SNX30: variants seen among roughly 807,000 people sequenced by gnomAD.
The protein encoded by SNX30 is sorting nexin family member 30.
Under a neutral mutation model 46.4 loss-of-function variants are expected in SNX30, and 24 were observed. That is an observed-to-expected ratio of 0.52 (90% CI 0.37 to 0.73). The LOEUF is 0.73. SNX30 is among the 30% of genes least tolerant of loss of function. The pLI, the probability that SNX30 is intolerant of heterozygous loss-of-function variation, is 0.00. For missense variants in SNX30, 533 were observed against 555.7 expected (o/e 0.96, Z 0.41); for synonymous variants, 189 against 211.5 (o/e 0.89, Z 0.92).
intron 1 of SNX30, among the ~76,000 whole-genome samples, chr9:112,764,769 A>T (rs1839506626): frequency 6.6e-6 from 1 of 152,166 alleles, no homozygotes; most frequent in African/African-American, 2.4e-5. Context: ...CAAATAATAG[A>T]TATCTAGCTT....
At chr9:112,818,231 G>T (rs373076667) in intron 3 of SNX30, among the ~76,000 whole-genome samples, 1 of 133,588 alleles carries the variant, frequency 7.5e-6, no homozygotes, top group East Asian at 2.2e-4. Context: ...AGACAGAGTC[G>T]CACTCTCTTG....
At position 112,830,756 on chromosome 9, in the gene SNX30, T is replaced by C; in HGVS notation, c.491T>C (p.Val164Ala). 3.1e-6 allele frequency: 5 copies of C among 1,613,050 alleles called. No individual in the cohort carries two copies. The highest frequency in any genetic ancestry group is 4.2e-6 in the Non-Finnish European group (5 of 1,179,762). ...CCCGAGAAGTTTGTGGTAAAAGGTG[T>C]TGTGGATCGTTTTTCAGAAGAGTTT... ...PLPEKFVVKG[V>A]VDRFSEEFVE... is the part of the protein sequence containing the mutation. The change falls in exon 4 of 9, where the codon GTT (valine) becomes GCT (alanine). Residue 164 changes from valine to alanine, a missense_variant. By Grantham distance (64) the Val-to-Ala change is moderately conservative. Around this residue, in one of 3 missense-constraint regions of SNX30, gnomAD observed 81 missense variants for 124.4 expected, o/e 0.65. Transcript: ENST00000374232.
chr9:112,754,973 C>T (rs942974014), intron 1 of SNX30, among the ~76,000 whole-genome samples: 1 of 152,212 alleles, frequency 6.6e-6, no homozygotes, highest in Non-Finnish European at 1.5e-5. Context: ...ATAGAGAAGG[C>T]TTTTCCTCCA....
chr9:112,847,546 T>C (rs1032083288), intron 6 of SNX30, among the ~76,000 whole-genome samples: 20 of 152,220 alleles, frequency 1.3e-4, no homozygotes, highest in Non-Finnish European at 5.9e-5. Flanking sequence ...TCTGTTTCTT[T>C]TTCCAAATTG....
In SNX30 at chr9:112,850,889, G is replaced by C; in HGVS notation, c.1045G>C (p.Ala349Pro). 6.2e-7 allele frequency: 1 copy of C among 1,613,970 alleles called. No individual in the cohort carries two copies. Among genetic ancestry groups the C allele is most frequent in the Non-Finnish European group, 8.5e-7 (1 of 1,179,988 alleles). ...ATTGAAGAAGAGGGACCAAGTTCAA[G>C]CAGAGTATGAAGCCAAACTGGAAGC... ...SVLKKRDQVQ[A>P]EYEAKLEAVA... Residue 349 changes from alanine to proline, a missense_variant, in exon 7 of 9, where the codon GCA (alanine) becomes CCA (proline). Transcript: ENST00000374232.
chr9:112,878,387 G>T (rs575754151), downstream of SNX30: 1 of 152,266 alleles, frequency 6.6e-6, no homozygotes, highest in African/African-American at 2.4e-5. Context: ...CTTCTGCCTG[G>T]AATGTCCCCC....
At chr9:112,825,126 T>A (rs1840562334) in intron 3 of SNX30, among the ~76,000 whole-genome samples, 1 of 152,250 alleles carries the variant, frequency 6.6e-6, no homozygotes, top group Non-Finnish European at 1.5e-5. Flanking sequence ...TGCTGGAGCA[T>A]ATAGTAATTC....
intron 8 of SNX30, among the ~76,000 whole-genome samples, chr9:112,866,832 C>T (rs1215907705): frequency 1.9e-5 from 1 of 53,622 alleles, no homozygotes; most frequent in Non-Finnish European, 4.3e-5. Flanking sequence ...GAATTCCTCC[C>T]ACCTCCTCAG....
At chr9:112,788,510 C>T (rs913244989) in intron 1 of SNX30, among the ~76,000 whole-genome samples, 8 of 152,196 alleles carry the variant, frequency 5.3e-5, no homozygotes, top group African/African-American at 1.7e-4. Context: ...GTTCTAGGCA[C>T]CTTCTTCCTA....
At chr9:112,823,557 T>C (rs1840537393) in intron 3 of SNX30, among the ~76,000 whole-genome samples, 1 of 152,188 alleles carries the variant, frequency 6.6e-6, no homozygotes, top group Non-Finnish European at 1.5e-5. Flanking sequence ...AGCAGATACA[T>C]TGAATAAACA....
At chr9:112,854,260 G>A (rs937378326) in intron 7 of SNX30, among the ~76,000 whole-genome samples, 17 of 152,200 alleles carry the variant, frequency 1.1e-4, no homozygotes, top group African/African-American at 1.7e-4. Flanking sequence ...CTGGTTTTGT[G>A]CCCTCAGACC....
intron 3 of SNX30, among the ~76,000 whole-genome samples, chr9:112,828,250 A>C (rs1840606183): frequency 6.6e-6 from 1 of 152,150 alleles, no homozygotes; most frequent in Admixed American, 6.5e-5. Context: ...ATAATACTGT[A>C]TTTTTACTGT....
At chr9:112,783,049 A>G (rs2131377656) in intron 1 of SNX30, among the ~76,000 whole-genome samples, 1 of 152,324 alleles carries the variant, frequency 6.6e-6, no homozygotes, top group Admixed American at 6.5e-5. Context: ...TTTTTCTGCC[A>G]CTGGTGGTTC....
At chr9:112,817,401 C>CTTTT (rs56856142) in intron 2 of SNX30, among the ~76,000 whole-genome samples, 504 of 46,814 alleles carry the variant, frequency 0.011, 134 homozygotes, top group African/African-American at 0.042. Context: ...AAAAAACTGG[C>CTTTT]TTTTTTTTTT....
At chr9:112,883,954 C>T (rs1352078373), downstream of SNX30, among the ~76,000 whole-genome samples, 1 of 152,180 alleles carries the variant, frequency 6.6e-6, no homozygotes, top group Non-Finnish European at 1.5e-5. Flanking sequence ...CTTGGCCTCC[C>T]AAAGTGCTGG....
downstream of SNX30, among the ~76,000 whole-genome samples, chr9:112,876,535 C>G (rs1434026092): frequency 6.6e-6 from 1 of 152,062 alleles, no homozygotes; most frequent in African/African-American, 2.4e-5. Flanking sequence ...TGAGGAAATC[C>G]AGGTGGAGAT....
chr9:112,863,375 C>T (rs1407674699), intron 7 of SNX30, among the ~76,000 whole-genome samples: 1 of 152,180 alleles, frequency 6.6e-6, no homozygotes, highest in African/African-American at 2.4e-5. Context: ...CATCAGGGCT[C>T]AGTGAAGTGC....
chr9:112,824,523 C>G (rs921344062), intron 3 of SNX30, among the ~76,000 whole-genome samples: 8 of 148,022 alleles, frequency 5.4e-5, no homozygotes, highest in African/African-American at 2.0e-4. Flanking sequence ...CACCCCTACA[C>G]CCAGGTGTTT....
intron 6 of SNX30, among the ~76,000 whole-genome samples, chr9:112,847,918 A>G (rs1349710275): frequency 1.3e-5 from 2 of 152,006 alleles, no homozygotes; most frequent in East Asian, 1.9e-4. Flanking sequence ...GTTACCTACT[A>G]TATATTTTAC....
Sources: gnomAD v4.1 joint callset for allele counts (sites outside exome capture counted in the v4.1 genomes callset) on GRCh38, gnomAD v4.1.1 for gene constraint, gnomAD v4.1.1 regional missense constraint, MANE v1.5 for transcripts, NCBI Gene and HGNC (gene_info 2026-07-23, HGNC 2026-07-21) for gene names.